SNTG1: variants seen among roughly 807,000 people sequenced by gnomAD.
SNTG1 encodes the protein syntrophin gamma 1.
Under a neutral mutation model 74.7 loss-of-function variants are expected in SNTG1, and 39 were observed. The observed-to-expected ratio is 0.52, with a 90% CI of 0.40 to 0.68. The LOEUF (loss-of-function observed/expected upper bound fraction) is 0.68, where lower values mean the gene tolerates loss of function less well. SNTG1 is among the 30% of genes least tolerant of loss of function. SNTG1 has a pLI of 0.00. For missense variants in SNTG1, 685 were observed against 609.5 expected, an observed-to-expected ratio of 1.12 and a Z score of -1.30; for synonymous variants, 254 against 217.1, an observed-to-expected ratio of 1.17 and a Z score of -1.49.
intron 13 of SNTG1, among the ~76,000 whole-genome samples, chr8:50,621,370 T>C (rs1057169225): frequency 6.6e-6 from 1 of 152,124 alleles, no homozygotes; most frequent in Non-Finnish European, 1.5e-5. Context: ...TGAAGTAACA[T>C]CACAAGTCCT....
intron 9 of SNTG1, among the ~76,000 whole-genome samples, chr8:50,525,764 A>G (rs1316670707): frequency 6.6e-6 from 1 of 151,488 alleles, no homozygotes; most frequent in Non-Finnish European, 1.5e-5. Context: ...AATTTTATTT[A>G]GCTATCTGTG....
intron 18 of SNTG1, among the ~76,000 whole-genome samples, chr8:50,777,200 C>T (rs1266979593): frequency 6.9e-6 from 1 of 145,418 alleles, no homozygotes; most frequent in Non-Finnish European, 1.5e-5. Flanking sequence ...ATTTTTTGGA[C>T]TCTGAAGACA....
intron 2 of SNTG1, among the ~76,000 whole-genome samples, chr8:50,359,185 T>G (rs1370785795): frequency 6.6e-6 from 1 of 152,192 alleles, no homozygotes; most frequent in African/African-American, 2.4e-5. Context: ...GGCATGCCAT[T>G]TATTCTGCTT....
chr8:50,631,420 TAACCAG>T (rs1482057970), intron 13 of SNTG1, among the ~76,000 whole-genome samples: 1 of 152,218 alleles, frequency 6.6e-6, no homozygotes, highest in Non-Finnish European at 1.5e-5. Context: ...GAATCTAGTT[TAACCAG>T]AACCCATTTT....
At chr8:50,376,321 G>A (rs1423893578) in intron 2 of SNTG1, among the ~76,000 whole-genome samples, 1 of 152,188 alleles carries the variant, frequency 6.6e-6, no homozygotes, top group East Asian at 1.9e-4. Context: ...ATTCAGATTT[G>A]AGGTTTACAT....
chr8:50,438,077 G>C (rs112043755), intron 4 of SNTG1, among the ~76,000 whole-genome samples: 1 of 152,096 alleles, frequency 6.6e-6, no homozygotes, highest in Non-Finnish European at 1.5e-5. Flanking sequence ...TAGCATTTCT[G>C]TGCTGGCCAC....
chr8:50,211,558 G>A (rs16914489), intron 2 of SNTG1, among the ~76,000 whole-genome samples: 17,259 of 152,030 alleles, frequency 0.11, 2,751 homozygotes, highest in African/African-American at 0.36. Context: ...ATTAGGATCA[G>A]TATAAGAATT....
At chr8:50,099,611 C>A (rs1348827375) in intron 1 of SNTG1, among the ~76,000 whole-genome samples, 1 of 152,082 alleles carries the variant, frequency 6.6e-6, no homozygotes, top group Non-Finnish European at 1.5e-5. Flanking sequence ...TTCCCTTCAA[C>A]AGTGTATGAG....
chr8:49,966,878 A>G (rs1811188299), intron 1 of SNTG1, among the ~76,000 whole-genome samples: 1 of 152,208 alleles, frequency 6.6e-6, no homozygotes, highest in Non-Finnish European at 1.5e-5. Context: ...CATATATTAA[A>G]TAATAAATAA....
At chr8:50,023,201 G>A (rs1031025784) in intron 1 of SNTG1, among the ~76,000 whole-genome samples, 14 of 152,066 alleles carry the variant, frequency 9.2e-5, no homozygotes, top group African/African-American at 2.9e-4. Context: ...TGGAAGAGAC[G>A]GGAAGGAAGC....
intron 2 of SNTG1, among the ~76,000 whole-genome samples, chr8:50,249,026 G>T (rs1300145399): frequency 6.6e-6 from 1 of 152,058 alleles, no homozygotes; most frequent in African/African-American, 2.4e-5. Flanking sequence ...CATATAGAGT[G>T]GAGCATGGTA....
chr8:50,450,418 G>T, intron 6 of SNTG1, 138 bp from the exon 7 acceptor site: 3 of 825,518 alleles, frequency 3.6e-6, no homozygotes, highest in Admixed American at 2.7e-5. Context: ...TCCATTTTTT[G>T]TGGATCTTTT....
chr8:50,068,660 A>G (rs190365055), intron 1 of SNTG1, among the ~76,000 whole-genome samples: 66 of 152,286 alleles, frequency 4.3e-4, no homozygotes, highest in African/African-American at 1.4e-3. Context: ...ACACAAATGG[A>G]TGCCCAATTG....
At chr8:50,450,898 C>T (rs569923687) in intron 8 of SNTG1, among the ~76,000 whole-genome samples, 169 bp downstream of exon 8, 7 of 152,024 alleles carry the variant, frequency 4.6e-5, no homozygotes, top group East Asian at 1.9e-4. Context: ...AATAGATTAA[C>T]GAGTCCTATC....
At chr8:50,435,924 A>G (rs981376134) in intron 4 of SNTG1, among the ~76,000 whole-genome samples, 5 of 152,156 alleles carry the variant, frequency 3.3e-5, no homozygotes, top group African/African-American at 1.2e-4. Context: ...GGGCTTGTAG[A>G]GCATGAGTAA....
chr8:50,419,469 T>A (rs2093054623), intron 4 of SNTG1, among the ~76,000 whole-genome samples: 1 of 152,114 alleles, frequency 6.6e-6, no homozygotes, highest in Admixed American at 6.6e-5. Context: ...AAACTCCACC[T>A]CACTGTGGTA....
At chr8:50,429,768 A>G (rs2093210615) in intron 4 of SNTG1, among the ~76,000 whole-genome samples, 1 of 152,160 alleles carries the variant, frequency 6.6e-6, no homozygotes, top group Non-Finnish European at 1.5e-5. Flanking sequence ...CAGAAAGTGT[A>G]AAAAGTTCTC....
rs367683638 is a variant in SNTG1, at chr8:50,754,095, A to G, written c.1395+1984A>G. ...ATTTGCTAACTATTGTATAACCTCTATAACCATGACTTGTGAGCAGTAAGC... is the reference window on the plus strand; with the variant it reads ...ATTTGCTAACTATTGTATAACCTCTGTAACCATGACTTGTGAGCAGTAAGC... On this transcript the variant is annotated intron_variant, in intron 18 of 18. Transcript: ENST00000642720. 1.3e-3 allele frequency among the ~76,000 whole-genome samples: 198 copies of G among 152,074 alleles called. 1 individual carries two copies. The South Asian group carries it at 0.016, about 13-fold the overall frequency.
At chr8:50,306,738 AT>A (rs200671719) in intron 2 of SNTG1, among the ~76,000 whole-genome samples, 286 of 149,380 alleles carry the variant, frequency 1.9e-3, no homozygotes, top group African/African-American at 6.4e-3. Flanking sequence ...TTTTTGATGG[AT>A]TTTTTTTTCT....
Sources: gnomAD v4.1 joint callset for allele counts (sites outside exome capture counted in the v4.1 genomes callset) on GRCh38, gnomAD v4.1.1 for gene constraint, MANE v1.5 for transcripts, NCBI Gene and HGNC (gene_info 2026-07-23, HGNC 2026-07-21) for gene names.